The following PBX1 variants were observed in gnomAD, a reference collection of about 807,000 sequenced individuals.
The protein encoded by PBX1 is pre-B-cell leukemia transcription factor 1.
Under a neutral mutation model 53.4 loss-of-function variants are expected in PBX1, and 6 were observed. The ratio of observed to expected loss-of-function variants is 0.11; its 90% CI spans 0.06 to 0.22. PBX1 has a LOEUF of 0.22. Among genes scored for constraint, PBX1 ranks in the 10% least tolerant of loss-of-function variants. PBX1 has a pLI of 1.00. For synonymous variants in PBX1, 204 were observed against 212.3 expected, an observed-to-expected ratio of 0.96 and a Z score of 0.34; for missense variants, 251 against 551.4, an observed-to-expected ratio of 0.46 and a Z score of 5.46.
intron 2 of PBX1, among the ~76,000 whole-genome samples, chr1:164,578,657 C>G (rs56217471): frequency 0.022 from 3,300 of 152,226 alleles, 52 homozygotes; most frequent in Non-Finnish European, 0.033. Flanking sequence ...TCCCAAAGCC[C>G]ATGACAGGAG....
At chr1:164,737,184 G>A (rs1665339793) in intron 2 of PBX1, among the ~76,000 whole-genome samples, 1 of 152,144 alleles carries the variant, frequency 6.6e-6, no homozygotes, top group South Asian at 2.1e-4. Context: ...CCAAGTACAG[G>A]CCATGGACTG....
rs1324159684 is a variant in PBX1 at position 164,687,633 on chromosome 1, A to G, written c.266-104861A>G. Reference sequence around the variant, plus strand: ...TGGTCCACTTGTACTGGTGTTGACTATGTATCAGCCCAGCTTATGTGGCTA... The same window carrying G: ...TGGTCCACTTGTACTGGTGTTGACTGTGTATCAGCCCAGCTTATGTGGCTA... On this transcript the variant is annotated intron_variant, in intron 2 of 8. Transcript: ENST00000420696. 8.6e-5 allele frequency among the ~76,000 whole-genome samples: 13 copies of G among 151,124 alleles called. 1 individual carries two copies. Among genetic ancestry groups the G allele is most frequent in the Admixed American group, 7.9e-4 (12 of 15,136 alleles).
At chr1:164,809,813 TA>T (rs1487567388) in intron 5 of PBX1, among the ~76,000 whole-genome samples, 1 of 152,170 alleles carries the variant, frequency 6.6e-6, no homozygotes, top group African/African-American at 2.4e-5. Context: ...CTCAGATCCC[TA>T]AAGAGCCCTT....
intron 2 of PBX1, among the ~76,000 whole-genome samples, chr1:164,735,537 T>C (rs1324524389): frequency 6.6e-6 from 1 of 152,226 alleles, no homozygotes; most frequent in African/African-American, 2.4e-5. Flanking sequence ...TACAGATCGC[T>C]AGCTGCCTGC....
At chr1:164,749,309 T>A (rs1021038275) in intron 2 of PBX1, among the ~76,000 whole-genome samples, 2 of 152,230 alleles carry the variant, frequency 1.3e-5, no homozygotes, top group African/African-American at 4.8e-5. Flanking sequence ...AAATTTTCTG[T>A]TACTTTATTA....
At chr1:164,733,812 G>A (rs1332420414) in intron 2 of PBX1, among the ~76,000 whole-genome samples, 1 of 152,082 alleles carries the variant, frequency 6.6e-6, no homozygotes, top group Non-Finnish European at 1.5e-5. Context: ...GATTTTTTCT[G>A]TTGCATTAAA....
intron 2 of PBX1, among the ~76,000 whole-genome samples, chr1:164,747,317 A>ATGTG (rs202141228): frequency 1.3e-5 from 2 of 150,906 alleles, no homozygotes; most frequent in African/African-American, 2.5e-5. Flanking sequence ...TGTATGAATC[A>ATGTG]TGTATATATA....
chr1:164,846,847 G>T lies in PBX1; in HGVS notation c.*171G>T. ...TTGGGATGCTATTTCAGCCAATCTGGACACTTCTTTATACTCTCTTCCCTT... is the reference window on the plus strand; with the variant it reads ...TTGGGATGCTATTTCAGCCAATCTGTACACTTCTTTATACTCTCTTCCCTT... On this transcript the variant is annotated 3_prime_UTR_variant, in exon 9 of 9. Coordinates refer to ENST00000420696, the MANE Select transcript of PBX1 (RefSeq NM_002585.4). 6.9e-7 allele frequency: 1 copy of T among 1,452,544 alleles called. No homozygotes were observed. Among genetic ancestry groups the T allele is most frequent in the East Asian group, 2.5e-5 (1 of 40,402 alleles). 90.0% of individuals were successfully genotyped at this position (1,452,544 alleles called of 1,614,324 possible).
intron 2 of PBX1, among the ~76,000 whole-genome samples, chr1:164,880,022 C>T (rs1226660067): frequency 6.6e-6 from 1 of 152,244 alleles, no homozygotes; most frequent in South Asian, 2.1e-4. Context: ...TCTGAATAAA[C>T]CGTTGTGCCT....
chr1:164,697,956 C>T (rs1384347682), intron 2 of PBX1, among the ~76,000 whole-genome samples: 1 of 152,172 alleles, frequency 6.6e-6, no homozygotes, highest in Non-Finnish European at 1.5e-5. Context: ...TGCTAGATCC[C>T]AGTTGGTCTT....
chr1:164,719,585 G>A (rs1057383599), intron 2 of PBX1, among the ~76,000 whole-genome samples: 2 of 152,094 alleles, frequency 1.3e-5, no homozygotes, highest in African/African-American at 4.8e-5. Flanking sequence ...GGAGGCGCAG[G>A]CATTTGTAGT....
In PBX1 at chr1:164,849,282, A is replaced by G; in HGVS notation, c.*2606A>G. On this transcript the variant is annotated 3_prime_UTR_variant, in exon 9 of 9. Coordinates refer to ENST00000420696, the MANE Select transcript of PBX1 (RefSeq NM_002585.4). ...CTCCGGGCCGTAGTTTTCACTGATG[A>G]TCACCTTTCACAGCATTTTCCCCAA... 1.3e-6 allele frequency: 2 copies of G among 1,533,318 alleles called. No homozygotes were observed. Among genetic ancestry groups the G allele is most frequent in the Non-Finnish European group, 1.7e-6 (2 of 1,145,234 alleles). 95.0% of individuals were successfully genotyped at this position (1,533,318 alleles called of 1,614,324 possible). A position where few individuals can be genotyped will look rare whatever the true frequency, so the allele number is the denominator to read the frequency against.
At chr1:164,782,284 G>A (rs1010624170) in intron 2 of PBX1, among the ~76,000 whole-genome samples, 1 of 152,280 alleles carries the variant, frequency 6.6e-6, no homozygotes, top group Non-Finnish European at 1.5e-5. Flanking sequence ...AACCCTGGCT[G>A]GAATTTGCTG....
intron 2 of PBX1, among the ~76,000 whole-genome samples, chr1:164,785,062 T>C (rs755653759): frequency 3.3e-5 from 5 of 152,098 alleles, no homozygotes; most frequent in African/African-American, 4.8e-5. Context: ...TTTGGAGATT[T>C]CTTAAACTAC....
chr1:164,742,535 C>G (rs772346292), intron 2 of PBX1, among the ~76,000 whole-genome samples: 3 of 152,016 alleles, frequency 2.0e-5, no homozygotes, highest in Non-Finnish European at 4.4e-5. Flanking sequence ...GAGTAAGACT[C>G]TGTCTCAAAA....
intron 2 of PBX1, among the ~76,000 whole-genome samples, chr1:164,608,174 G>A (rs1287194784): frequency 1.3e-5 from 2 of 152,192 alleles, no homozygotes; most frequent in Non-Finnish European, 2.9e-5. Context: ...TCTGCATTAG[G>A]CACTTATTCA....
chr1:164,575,685 A>C lies in PBX1; in HGVS notation c.265+12374A>C, dbSNP rs544063181. On this transcript the variant is annotated intron_variant, in intron 2 of 8. Coordinates refer to ENST00000420696, the MANE Select transcript of PBX1 (RefSeq NM_002585.4). Reference sequence around the variant, plus strand: ...CCATTCTGAAAGGCACTCTATGGATATGAGGGTGTAGACGTTAATTCCTTT... The same window carrying C: ...CCATTCTGAAAGGCACTCTATGGATCTGAGGGTGTAGACGTTAATTCCTTT... Among the ~76,000 whole-genome samples the C allele has an allele frequency of 2.6e-5, 4 of 152,328 alleles. No homozygotes were observed. The South Asian group carries it at 6.2e-4, about 24-fold the overall frequency.
Position 164,812,167 on chromosome 1 carries a change from T to C in PBX1, c.997+18T>C, listed in dbSNP as rs200965014. On this transcript the variant is annotated intron_variant, in intron 6 of 8. Transcript: ENST00000420696. ...CTCGGCTGGTTAGTTTTTTCTTTGA[T>C]TGGGGGTGGGGGAAGGAATTGTTCT... is the stretch of plus-strand genomic sequence containing the variant. 130 of 1,601,892 alleles carry C rather than the reference T, an allele frequency of 8.1e-5. No homozygotes were observed. Among genetic ancestry groups the C allele is most frequent in the Non-Finnish European group, 1.0e-4 (119 of 1,173,098 alleles).
At chr1:164,744,651 A>G (rs1665799582) in intron 2 of PBX1, among the ~76,000 whole-genome samples, 1 of 152,136 alleles carries the variant, frequency 6.6e-6, no homozygotes, top group Non-Finnish European at 1.5e-5. Context: ...TTGCCCAGTA[A>G]ATAATTTCTC....
Sources: allele counts gnomAD v4.1 joint callset (sites outside exome capture counted in the v4.1 genomes callset), GRCh38; gene constraint gnomAD v4.1.1; transcripts MANE v1.5; gene names NCBI Gene and HGNC (gene_info 2026-07-23, HGNC 2026-07-21).